Variants in HHAT observed in about 807,000 individuals in gnomAD.
HHAT encodes the protein hedgehog acyltransferase, also known as protein-cysteine N-palmitoyltransferase HHAT.
In HHAT, 47 loss-of-function variants were observed where a neutral mutation model predicts 70.8. That is an observed-to-expected ratio of 0.66 (90% CI 0.53 to 0.85). The LOEUF (loss-of-function observed/expected upper bound fraction) is 0.85. Among genes scored for constraint, HHAT ranks in the 40% least tolerant of loss-of-function variants. The pLI is 0.00. For synonymous variants in HHAT, 228 were observed against 247.6 expected, an observed-to-expected ratio of 0.92 and a Z score of 0.74; for missense variants, 609 against 604.8, an observed-to-expected ratio of 1.01 and a Z score of -0.07.
intron 9 of HHAT, among the ~76,000 whole-genome samples, chr1:210,553,009 G>A (rs1300147114): frequency 6.6e-6 from 1 of 152,154 alleles, no homozygotes; most frequent in East Asian, 1.9e-4. Flanking sequence ...AGAGTTAAAT[G>A]TCTTTATTCC....
intron 11 of HHAT, among the ~76,000 whole-genome samples, chr1:210,671,333 GC>G (rs1680035427): frequency 6.6e-6 from 1 of 152,096 alleles, no homozygotes; most frequent in Non-Finnish European, 1.5e-5. Context: ...GCAGGTGTTG[GC>G]CGGTCCCCTG....
chr1:210,551,201 G>A (rs1009932979), intron 9 of HHAT, among the ~76,000 whole-genome samples: 1 of 148,562 alleles, frequency 6.7e-6, no homozygotes. Context: ...GTACTCCATC[G>A]ACCGAATTAA....
At chr1:210,337,785 C>T (rs987105826) in intron 1 of HHAT, among the ~76,000 whole-genome samples, 15 of 152,280 alleles carry the variant, frequency 9.9e-5, no homozygotes, top group Middle Eastern at 6.8e-3. Flanking sequence ...AACATAGTCA[C>T]GGTTCCAGGG....
chr1:210,613,850 T>G (rs1166658295), intron 10 of HHAT, among the ~76,000 whole-genome samples: 1 of 151,786 alleles, frequency 6.6e-6, no homozygotes, highest in East Asian at 1.9e-4. Context: ...AGACTTTGAC[T>G]CTACAAAAAA....
chr1:210,659,917 T>A (rs942347778), intron 11 of HHAT, among the ~76,000 whole-genome samples: 1 of 152,146 alleles, frequency 6.6e-6, no homozygotes, highest in Non-Finnish European at 1.5e-5. Context: ...TGGAATGTAT[T>A]TCAAAATAAT....
At chr1:210,365,464 C>G (rs553568853) in intron 3 of HHAT, among the ~76,000 whole-genome samples, 5 of 151,436 alleles carry the variant, frequency 3.3e-5, no homozygotes, top group Non-Finnish European at 7.4e-5. Flanking sequence ...TTACAGGCAC[C>G]TGCAACCACA....
rs138201598 is a variant in HHAT, at chr1:210,492,839, C to T, written c.1008-20314C>T. The stretch of plus-strand genomic sequence containing the variant: ...CCAAAAGAAAGCTAGACTAAATGAT[C>T]TCTGAATTCTACTCTGTGCATTAGT... On this transcript the variant is annotated intron_variant, in intron 8 of 11. Transcript: ENST00000261458. Among the ~76,000 whole-genome samples the T allele has an allele frequency of 3.1e-3, 470 of 152,224 alleles. 5 individuals carry two copies. Among genetic ancestry groups the T allele is most frequent in the African/African-American group, 0.011 (453 of 41,552 alleles).
chr1:210,394,229 CTTTTT>C (rs59554789), intron 4 of HHAT, among the ~76,000 whole-genome samples: 133 of 116,022 alleles, frequency 1.1e-3, no homozygotes, highest in African/African-American at 2.3e-3. Flanking sequence ...CATGATCTAT[CTTTTT>C]TTTTTTTTTT....
At chr1:210,422,640 T>C (rs1261963283) in intron 7 of HHAT, among the ~76,000 whole-genome samples, 1 of 152,214 alleles carries the variant, frequency 6.6e-6, no homozygotes, top group East Asian at 1.9e-4. Context: ...ACATTTTCTT[T>C]TTTTTCTTTT....
At chr1:210,594,014 A>G (rs1019880344) in intron 10 of HHAT, among the ~76,000 whole-genome samples, 5 of 151,990 alleles carry the variant, frequency 3.3e-5, no homozygotes, top group South Asian at 2.1e-4. Flanking sequence ...TTCCATTGGC[A>G]TGGAATATCT....
Position 210,404,687 on chromosome 1 carries a change from C to A in HHAT, c.684+8C>A. ...TCGGAGTTCATCAAACAGGTAGAGC[C>A]CGCTGGGGATGGGATTGGGATTCTA... On this transcript the variant is annotated splice_region_variant and intron_variant, in intron 6 of 11. Coordinates refer to ENST00000261458, the MANE Select transcript of HHAT (RefSeq NM_018194.6). 1 of 1,606,300 alleles carries A rather than the reference C, an allele frequency of 6.2e-7. No homozygotes were observed. The highest frequency in any genetic ancestry group is 8.5e-7 in the Non-Finnish European group (1 of 1,173,258).
At chr1:210,578,762 G>A (rs1233813723) in intron 9 of HHAT, among the ~76,000 whole-genome samples, 2 of 152,106 alleles carry the variant, frequency 1.3e-5, no homozygotes, top group African/African-American at 4.8e-5. Flanking sequence ...TATACATAAG[G>A]CTATGAAGGC....
intron 7 of HHAT, among the ~76,000 whole-genome samples, chr1:210,449,380 C>T (rs781158328): frequency 1.1e-4 from 17 of 152,052 alleles, no homozygotes; most frequent in African/African-American, 2.2e-4. Flanking sequence ...AGTCGTGCTT[C>T]GTGGCTGACG....
intron 3 of HHAT, among the ~76,000 whole-genome samples, chr1:210,370,066 A>G (rs529595916): frequency 7.2e-5 from 11 of 151,778 alleles, no homozygotes; most frequent in Admixed American, 3.3e-4. Context: ...CTCTCTCTGC[A>G]TACACATATA....
chr1:210,524,407 A>C (rs531220056), intron 9 of HHAT, among the ~76,000 whole-genome samples: 2 of 152,184 alleles, frequency 1.3e-5, no homozygotes, highest in African/African-American at 2.4e-5. Context: ...ATGAGTGAGG[A>C]GGAAGGAGTC....
intron 6 of HHAT, among the ~76,000 whole-genome samples, chr1:210,411,830 T>C (rs1412039956): frequency 2.0e-5 from 2 of 100,762 alleles, no homozygotes; most frequent in Non-Finnish European, 4.9e-5. Flanking sequence ...TACATGCCTC[T>C]ACATGCCTCT....
intron 3 of HHAT, among the ~76,000 whole-genome samples, chr1:210,381,712 A>G (rs1444814711): frequency 6.6e-6 from 1 of 152,222 alleles, no homozygotes; most frequent in Non-Finnish European, 1.5e-5. Flanking sequence ...CTCCTGACCC[A>G]TCTCACTAGG....
intron 7 of HHAT, among the ~76,000 whole-genome samples, chr1:210,433,618 C>G (rs1249204427): frequency 6.6e-6 from 1 of 151,764 alleles, no homozygotes; most frequent in Non-Finnish European, 1.5e-5. Context: ...GTTGCTACTC[C>G]CTGGGATTGA....
intron 9 of HHAT, among the ~76,000 whole-genome samples, chr1:210,560,473 A>G (rs2095611158): frequency 1.3e-5 from 2 of 152,028 alleles, no homozygotes; most frequent in Non-Finnish European, 2.9e-5. Flanking sequence ...ACTTACCTGT[A>G]AGTTAAAAAG....
Sources: gnomAD v4.1 joint callset for allele counts (sites outside exome capture counted in the v4.1 genomes callset) on GRCh38, gnomAD v4.1.1 for gene constraint, MANE v1.5 for transcripts, NCBI Gene and HGNC (gene_info 2026-07-23, HGNC 2026-07-21) for gene names.